The following KLHL15 variants were observed in gnomAD, a reference collection of about 807,000 sequenced individuals.
KLHL15 encodes kelch like family member 15.
A neutral mutation model predicts 29.3 loss-of-function variants in KLHL15; 1 was observed. The observed-to-expected ratio is 0.03, with a 90% CI of 0.01 to 0.16. The LOEUF (loss-of-function observed/expected upper bound fraction) is 0.16, where lower values mean the gene tolerates loss of function less well. KLHL15 is among the 10% of genes least tolerant of loss of function. The pLI is 1.00. For synonymous variants in KLHL15, 212 were observed against 184.5 expected, an observed-to-expected ratio of 1.15 and a Z score of -1.21; for missense variants, 215 against 478.5, an observed-to-expected ratio of 0.45 and a Z score of 5.14.
chrX:23,989,159 CTTTCT>C, intron 3 of KLHL15, 129 bp from the exon 4 acceptor site: 1 of 514,250 alleles, frequency 1.9e-6, no homozygotes. Flanking sequence ...AGATCACCTA[CTTTCT>C]TTTGTTTTCT....
At chrX:24,010,246 G>T (rs1233824731) in intron 2 of KLHL15, among the ~76,000 whole-genome samples, 1 of 110,826 alleles carries the variant, frequency 9.0e-6, no homozygotes, top group Non-Finnish European at 1.9e-5. Flanking sequence ...TTTTCACTTG[G>T]TCTATCATCT....
intron 3 of KLHL15, among the ~76,000 whole-genome samples, chrX:24,002,766 C>A (rs1273209164): frequency 9.0e-6 from 1 of 111,051 alleles, no homozygotes; most frequent in East Asian, 2.8e-4. Context: ...GTAGCTGGGA[C>A]TCCAGGCATG....
chrX:24,023,703 G>A (rs1406367617), intron 2 of KLHL15, among the ~76,000 whole-genome samples: 1 of 112,077 alleles, frequency 8.9e-6, no homozygotes, highest in Non-Finnish European at 1.9e-5. Context: ...CAGCAATGAA[G>A]AGTGCAAGTT....
chrX:23,996,343 G>A (rs1249136898), intron 3 of KLHL15, among the ~76,000 whole-genome samples: 1 of 112,079 alleles, frequency 8.9e-6, no homozygotes, highest in Non-Finnish European at 1.9e-5. Flanking sequence ...TTCCCAAGTA[G>A]TTACTATCGT....
intron 2 of KLHL15, among the ~76,000 whole-genome samples, chrX:24,010,474 T>C (rs1413890843): frequency 8.9e-6 from 1 of 112,424 alleles, no homozygotes; most frequent in Non-Finnish European, 1.9e-5. Context: ...CCTGCTGGTA[T>C]AACACTGAAG....
At chrX:24,025,803 C>T (rs1819314538) in intron 1 of KLHL15, among the ~76,000 whole-genome samples, 1 of 110,799 alleles carries the variant, frequency 9.0e-6, no homozygotes, top group African/African-American at 3.3e-5. Flanking sequence ...CAGCGGTTTC[C>T]CACCGAGGAA....
In KLHL15 at chrX:23,988,188, G is replaced by A; in HGVS notation, c.1548C>T (p.Asn516=). ...AGATGGTCCACTGATCAGTCTCTGG[G>A]TTGTATACTTCTGTAGAAGGGCATC... The part of the protein sequence containing the change: ...SQGCPSTEVY[N]PETDQWTILA... The change falls in exon 4 of 4, where the codon AAC becomes AAT. Residue 516 remains asparagine (N), a synonymous_variant. Transcript: ENST00000328046. The A allele has an allele frequency of 8.3e-7, 1 of 1,211,909 alleles. No homozygotes were observed. Among genetic ancestry groups the A allele is most frequent in the East Asian group, 3.0e-5 (1 of 33,864 alleles).
chrX:23,992,724 TAAG>T (rs1052534718), intron 3 of KLHL15, among the ~76,000 whole-genome samples: 6 of 112,221 alleles, frequency 5.3e-5, no homozygotes, highest in African/African-American at 9.7e-5. Flanking sequence ...AATACACTGA[TAAG>T]AAGAAGAAAA....
At chrX:23,989,150 G>C in intron 3 of KLHL15, 120 bp from the exon 4 acceptor site, 7 of 531,130 alleles carry the variant, frequency 1.3e-5, no homozygotes, top group Non-Finnish European at 2.0e-5. Flanking sequence ...TTCCTGCTAA[G>C]ATCACCTACT....
chrX:24,016,729 G>T (rs1929694232), intron 2 of KLHL15, among the ~76,000 whole-genome samples: 1 of 111,619 alleles, frequency 9.0e-6, no homozygotes, highest in Non-Finnish European at 1.9e-5. Context: ...CGATAATAAA[G>T]TAAGTTAATG....
chrX:24,023,751 CCTA>C (rs1192512218), intron 2 of KLHL15, among the ~76,000 whole-genome samples: 3 of 112,102 alleles, frequency 2.7e-5, no homozygotes, highest in Non-Finnish European at 5.6e-5. Flanking sequence ...ACTCTAAGCA[CCTA>C]CTACGTGTTG....
intron 3 of KLHL15, among the ~76,000 whole-genome samples, chrX:24,004,347 TCAAAACAAAA>T: frequency 9.1e-6 from 1 of 109,705 alleles, no homozygotes; most frequent in African/African-American, 3.3e-5. Context: ...GAGACTCCTC[TCAAAACAAAA>T]CAAAACAAAC....
At chrX:24,020,224 GT>G (rs1206452382) in intron 2 of KLHL15, among the ~76,000 whole-genome samples, 1 of 111,753 alleles carries the variant, frequency 8.9e-6, no homozygotes, top group Non-Finnish European at 1.9e-5. Flanking sequence ...AACCCATAAA[GT>G]AAAAAAATGT....
chrX:23,989,452 G>C (rs1415642314), intron 3 of KLHL15, among the ~76,000 whole-genome samples: 1 of 111,716 alleles, frequency 9.0e-6, no homozygotes, highest in Non-Finnish European at 1.9e-5. Flanking sequence ...TGGGATTACA[G>C]GCGTGAGCCA....
chrX:24,022,293 C>CCA (rs893361064), intron 2 of KLHL15, among the ~76,000 whole-genome samples: 1 of 103,782 alleles, frequency 9.6e-6, no homozygotes, highest in African/African-American at 3.6e-5. Context: ...CGAGATCGCG[C>CCA]CACTGCACTC....
At chrX:23,998,527 G>C (rs1929242623) in intron 3 of KLHL15, among the ~76,000 whole-genome samples, 1 of 111,911 alleles carries the variant, frequency 8.9e-6, no homozygotes, top group Non-Finnish European at 1.9e-5. Context: ...AAAGTGCTGG[G>C]ATTACAGGTG....
intron 2 of KLHL15, among the ~76,000 whole-genome samples, chrX:24,017,539 G>C (rs766337962): frequency 9.1e-6 from 1 of 110,045 alleles, no homozygotes; most frequent in Non-Finnish European, 1.9e-5. Context: ...CCACCACTTT[G>C]GGAGGCCGAG....
At chrX:24,003,645 A>G (rs1929380932) in intron 3 of KLHL15, among the ~76,000 whole-genome samples, 1 of 80,246 alleles carries the variant, frequency 1.2e-5, no homozygotes, top group Non-Finnish European at 2.3e-5. Context: ...TAGCATAAAT[A>G]TATGTGTGTG....
rs763508042 is a variant in KLHL15, at chrX:23,988,029, C to A, written c.1707G>T (p.Lys569Asn). 2.5e-6 allele frequency: 3 copies of A among 1,211,655 alleles called. No individual in the cohort carries two copies. The South Asian group carries it at 5.3e-5, about 21-fold the overall frequency. Residue 569 changes from lysine to asparagine, a missense_variant, in exon 4 of 4, where the codon AAG becomes AAT. By Grantham distance (94) the Lys-to-Asn change is moderately conservative. Transcript: ENST00000328046. ...SILTFDPDENKWKEDEYPRMP... is the reference protein window; with the variant it reads ...SILTFDPDENNWKEDEYPRMP... ...TCCGAGGGTACTCATCTTCCTTCCA[C>A]TTGTTTTCATCCGGATCAAAAGTGA...
Sources: allele counts gnomAD v4.1 joint callset (sites outside exome capture counted in the v4.1 genomes callset), GRCh38; gene constraint gnomAD v4.1.1; transcripts MANE v1.5; gene names NCBI Gene and HGNC (gene_info 2026-07-23, HGNC 2026-07-21).